METTL15: variants seen among roughly 807,000 people sequenced by gnomAD.
METTL15 encodes the protein 12S rRNA N(4)-cytidine methyltransferase METTL15.
Under a neutral mutation model 38.3 loss-of-function variants are expected in METTL15, and 34 were observed. That is an observed-to-expected ratio of 0.89 (90% CI 0.68 to 1.18). METTL15 has a LOEUF of 1.18. METTL15 is among the 50% of genes most tolerant of loss of function. METTL15 has a pLI of 0.00. For missense variants in METTL15, 438 were observed against 498.4 expected (o/e 0.88, Z 1.15); for synonymous variants, 162 against 170.9 (o/e 0.95, Z 0.41).
chr11:28,272,482 G>A (rs543154807), intron 4 of METTL15, among the ~76,000 whole-genome samples: 1 of 152,200 alleles, frequency 6.6e-6, no homozygotes, highest in South Asian at 2.1e-4. Flanking sequence ...AAAACCAAAT[G>A]CCACATGCTC....
At chr11:28,122,084 T>C in intron 3 of METTL15, 1 of 1,036,946 alleles carries the variant, frequency 9.6e-7, no homozygotes, top group Non-Finnish European at 1.2e-6. Flanking sequence ...AAAACTGTAA[T>C]GTGTATTAAC....
At chr11:28,441,692 A>G (rs537646551) in intron 6 of METTL15, among the ~76,000 whole-genome samples, 3 of 152,088 alleles carry the variant, frequency 2.0e-5, no homozygotes, top group African/African-American at 4.8e-5. Context: ...ATTTGCATTC[A>G]TTTTGCCCAC....
intron 4 of METTL15, among the ~76,000 whole-genome samples, chr11:28,246,506 T>C (rs2133914839): frequency 6.6e-6 from 1 of 152,262 alleles, no homozygotes; most frequent in South Asian, 2.1e-4. Context: ...TTGTACATCA[T>C]AACATTGTCA....
chr11:28,276,503 G>A (rs1171213379), intron 4 of METTL15, among the ~76,000 whole-genome samples: 4 of 152,092 alleles, frequency 2.6e-5, no homozygotes, highest in African/African-American at 9.7e-5. Flanking sequence ...TCATTACAGT[G>A]ACCATATTGC....
chr11:28,409,959 A>G (rs770295458), intron 5 of METTL15, among the ~76,000 whole-genome samples: 2 of 152,158 alleles, frequency 1.3e-5, no homozygotes, highest in Non-Finnish European at 2.9e-5. Context: ...TGAGAAATAC[A>G]AAGAATCATA....
intron 3 of METTL15, among the ~76,000 whole-genome samples, chr11:28,163,169 T>A (rs1850532197): frequency 6.6e-6 from 1 of 152,112 alleles, no homozygotes; most frequent in South Asian, 2.1e-4. Context: ...AAGTGTGATT[T>A]GTAATACGTA....
At chr11:28,271,597 G>A (rs979436234) in intron 4 of METTL15, among the ~76,000 whole-genome samples, 1 of 151,874 alleles carries the variant, frequency 6.6e-6, no homozygotes, top group African/African-American at 2.4e-5. Context: ...CCCACCCACC[G>A]CAAGATTGGA....
intron 3 of METTL15, among the ~76,000 whole-genome samples, chr11:28,159,459 AAC>A (rs1491028296): frequency 1.3e-5 from 2 of 152,008 alleles, no homozygotes; most frequent in South Asian, 2.1e-4. Flanking sequence ...AAAAAAAAAA[AAC>A]ACAACCTGCT....
At chr11:28,346,777 G>C (rs1007629524) in intron 3 of METTL15, among the ~76,000 whole-genome samples, 1 of 152,112 alleles carries the variant, frequency 6.6e-6, no homozygotes, top group African/African-American at 2.4e-5. Context: ...TTACTAACCA[G>C]CATGTGTTTC....
chr11:28,254,855 G>C (rs547979545), intron 4 of METTL15, among the ~76,000 whole-genome samples: 1 of 151,904 alleles, frequency 6.6e-6, no homozygotes, highest in Non-Finnish European at 1.5e-5. Context: ...AGGCTGTTTT[G>C]GTTACTATTA....
chr11:28,476,362 TGTC>T (rs1217950913), intron 6 of METTL15, among the ~76,000 whole-genome samples: 3 of 152,152 alleles, frequency 2.0e-5, no homozygotes, highest in East Asian at 1.9e-4. Context: ...GTTGAGTTGT[TGTC>T]GAAATGACCC....
At chr11:28,217,898 A>G (rs1164088661) in intron 4 of METTL15, among the ~76,000 whole-genome samples, 2 of 151,940 alleles carry the variant, frequency 1.3e-5, no homozygotes, top group African/African-American at 4.8e-5. Context: ...TGAGGGCTCT[A>G]TTCGGTTCCT....
chr11:28,397,537 A>T (rs1850584681), intron 5 of METTL15, among the ~76,000 whole-genome samples: 2 of 152,082 alleles, frequency 1.3e-5, no homozygotes, highest in Admixed American at 1.3e-4. Flanking sequence ...AACCACAATG[A>T]GATACCATCT....
intron 5 of METTL15, among the ~76,000 whole-genome samples, chr11:28,370,724 CCTGT>C (rs976954617): frequency 6.6e-5 from 10 of 151,794 alleles, no homozygotes; most frequent in African/African-American, 2.4e-4. Flanking sequence ...TACATTATTC[CCTGT>C]CTTTTTTATA....
At chr11:28,201,696 G>A (rs975160753) in intron 3 of METTL15, among the ~76,000 whole-genome samples, 3 of 149,882 alleles carry the variant, frequency 2.0e-5, no homozygotes, top group Admixed American at 1.3e-4. Context: ...TTTTCTGATG[G>A]TAGTTTGTAT....
At position 28,331,709 on chromosome 11, in the gene METTL15, G is replaced by A. The variant is rs1281991899; in HGVS notation, c.*868G>A. ...TACAAAGATATGGTAACTGTAATATGGGTAAAAGTTTATTCAAGAAAAGAG... is the reference window on the plus strand; with the variant it reads ...TACAAAGATATGGTAACTGTAATATAGGTAAAAGTTTATTCAAGAAAAGAG... On this transcript the variant is annotated 3_prime_UTR_variant, in exon 7 of 7. Transcript: ENST00000407364. 2.0e-5 allele frequency: 3 copies of A among 152,144 alleles called. No individual in the cohort carries two copies. The highest frequency in any genetic ancestry group is 2.9e-5 in the Non-Finnish European group (2 of 68,004). 9.4% of individuals were successfully genotyped at this position (152,144 alleles called of 1,614,324 possible).
intron 6 of METTL15, among the ~76,000 whole-genome samples, chr11:28,513,878 G>A (rs540853302): frequency 2.1e-4 from 32 of 152,314 alleles, no homozygotes; most frequent in South Asian, 1.2e-3. Flanking sequence ...CCCTCATTCC[G>A]GTAAACCCAC....
chr11:28,141,399 A>G lies in METTL15; in HGVS notation c.270+27795A>G, dbSNP rs75402601. Among the ~76,000 whole-genome samples, 671 of 152,290 alleles carry G rather than the reference A, an allele frequency of 4.4e-3. 7 individuals carry two copies. Among genetic ancestry groups the G allele is most frequent in the African/African-American group, 0.016 (646 of 41,554 alleles). ...GTTTTTGATAATAGTGCTGTTATCT[A>G]AAGGAGCAACTGGGGAAGACTTTGA... On this transcript the variant is annotated intron_variant, in intron 3 of 6. Coordinates refer to ENST00000407364, the MANE Select transcript of METTL15 (RefSeq NM_001113528.2).
intron 5 of METTL15, among the ~76,000 whole-genome samples, chr11:28,292,906 G>T (rs1856577669): frequency 1.3e-5 from 2 of 152,032 alleles, no homozygotes; most frequent in African/African-American, 2.4e-5. Context: ...TGAAGGGGTT[G>T]TTTTTTTCTT....
Sources: gnomAD v4.1 joint callset for allele counts (sites outside exome capture counted in the v4.1 genomes callset) on GRCh38, gnomAD v4.1.1 for gene constraint, MANE v1.5 for transcripts, NCBI Gene and HGNC (gene_info 2026-07-23, HGNC 2026-07-21) for gene names.